Variants in FAM210A observed in about 807,000 individuals in gnomAD.
FAM210A encodes the protein mitochondrial inner membrane scaffold 1.
FAM210A carries 13 observed loss-of-function variants against 25.3 expected under a neutral mutation model. The observed-to-expected ratio is 0.51, with a 90% CI of 0.33 to 0.82. FAM210A has a LOEUF of 0.82. FAM210A is among the 40% of genes least tolerant of loss of function. FAM210A has a pLI of 0.02. For missense variants in FAM210A, 319 were observed against 323.2 expected, an observed-to-expected ratio of 0.99 and a Z score of 0.10; for synonymous variants, 125 against 118.7, an observed-to-expected ratio of 1.05 and a Z score of -0.35.
rs1402091417 is a variant in FAM210A, at chr18:13,666,225, G to A, written c.*255C>T. ...TCTGAAGACCTTGAAAAAGAAGTCTGACTTCTAAGACATTAACCACTGCTT... is the reference window on the plus strand; with the variant it reads ...TCTGAAGACCTTGAAAAAGAAGTCTAACTTCTAAGACATTAACCACTGCTT... On this transcript the variant is annotated 3_prime_UTR_variant, in exon 4 of 4. Transcript: ENST00000651643. 2.5e-6 allele frequency: 1 copy of A among 400,070 alleles called. No individual in the cohort carries two copies. Among genetic ancestry groups the A allele is most frequent in the Non-Finnish European group, 4.5e-6 (1 of 221,226 alleles). 24.8% of individuals were successfully genotyped at this position (400,070 alleles called of 1,614,324 possible).
chr18:13,677,327 G>A (rs1465648517), intron 2 of FAM210A, among the ~76,000 whole-genome samples: 1 of 152,140 alleles, frequency 6.6e-6, no homozygotes, highest in African/African-American at 2.4e-5. Context: ...GCCCACCTCG[G>A]CCTCCCAAAG....
intron 1 of FAM210A, among the ~76,000 whole-genome samples, chr18:13,692,169 G>A (rs1278231586): frequency 6.6e-6 from 1 of 151,630 alleles, no homozygotes; most frequent in Non-Finnish European, 1.5e-5. Context: ...TTACATAATG[G>A]TAAAGGGATC....
Position 13,663,866 on chromosome 18 carries a change from C to T in FAM210A, c.*2614G>A, listed in dbSNP as rs2043379573. On this transcript the variant is annotated 3_prime_UTR_variant, in exon 4 of 4. Transcript: ENST00000651643. ...AAATGTAGACATGTAAGACACAGGGCTGCTTCTGCCGAGCACTCGCAGTTC... is the reference window on the plus strand; with the variant it reads ...AAATGTAGACATGTAAGACACAGGGTTGCTTCTGCCGAGCACTCGCAGTTC... 6.6e-6 allele frequency: 1 copy of T among 152,122 alleles called. No individual in the cohort carries two copies. The highest frequency in any genetic ancestry group is 2.1e-4 in the South Asian group (1 of 4,822). The allele number at this position is 152,122 out of a possible 1,614,324, so 9.4% of individuals were successfully genotyped here.
At chr18:13,672,855 A>G (rs532113589) in intron 2 of FAM210A, among the ~76,000 whole-genome samples, 1 of 152,384 alleles carries the variant, frequency 6.6e-6, no homozygotes, top group South Asian at 2.1e-4. Context: ...CTATTCTATT[A>G]AAAGACTTAA....
intron 2 of FAM210A, among the ~76,000 whole-genome samples, chr18:13,676,633 A>G (rs1186963829): frequency 6.6e-6 from 1 of 152,248 alleles, no homozygotes; most frequent in African/African-American, 2.4e-5. Flanking sequence ...ACAATAGTCT[A>G]CAGTTAATAT....
intron 1 of FAM210A, among the ~76,000 whole-genome samples, chr18:13,709,450 T>C (rs1360795262): frequency 6.6e-6 from 1 of 152,214 alleles, no homozygotes; most frequent in African/African-American, 2.4e-5. Flanking sequence ...GATACCTACA[T>C]GGCCAACTGC....
Position 13,666,297 on chromosome 18 carries a change from C to G in FAM210A, c.*183G>C. On this transcript the variant is annotated 3_prime_UTR_variant, in exon 4 of 4. Transcript: ENST00000651643. The stretch of plus-strand genomic sequence containing the variant: ...TTCTTAAACTGGGTTCATTTCTTCC[C>G]TTGTAATAACACTGATTTTTCTAGT... 1.7e-6 allele frequency: 1 copy of G among 587,600 alleles called. No homozygotes were observed. The highest frequency in any genetic ancestry group is 3.0e-6 in the Non-Finnish European group (1 of 333,600). The allele number at this position is 587,600 out of a possible 1,614,324, so 36.4% of individuals were successfully genotyped here. A position where few individuals can be genotyped will look rare whatever the true frequency, so the allele number is the denominator to read the frequency against.
chr18:13,705,291 A>G (rs527683646), intron 1 of FAM210A, among the ~76,000 whole-genome samples: 161 of 152,340 alleles, frequency 1.1e-3, no homozygotes, highest in African/African-American at 3.8e-3. Context: ...CTGGCATTCA[A>G]GAGGACATAA....
rs1018684015 is a variant in FAM210A, at chr18:13,694,875, A to G, written c.-28-12770T>C. 2.6e-4 allele frequency among the ~76,000 whole-genome samples: 39 copies of G among 152,250 alleles called. 2 individuals are homozygous for G. Among genetic ancestry groups the G allele is most frequent in the Non-Finnish European group, 7.3e-5 (5 of 68,044 alleles). On this transcript the variant is annotated intron_variant, in intron 1 of 3. Transcript: ENST00000651643. ...AGCCAAAATTGATAAATGGGATCTA[A>G]TTAAACTAAAGAGCTTCTGCACAGC... is the stretch of plus-strand genomic sequence containing the variant.
intron 1 of FAM210A, among the ~76,000 whole-genome samples, chr18:13,720,426 C>G (rs907630861): frequency 6.6e-6 from 1 of 152,176 alleles, no homozygotes; most frequent in Non-Finnish European, 1.5e-5. Flanking sequence ...AGGAATTTGT[C>G]ATCTCCAAAA....
chr18:13,708,524 T>C (rs1284207), intron 1 of FAM210A, among the ~76,000 whole-genome samples: 135,628 of 152,246 alleles, frequency 0.89, 60,513 homozygotes, highest in East Asian at 0.95. Context: ...TAAGTTAGCT[T>C]ATTAGCATAA....
At chr18:13,704,675 T>C (rs1194226684) in intron 1 of FAM210A, among the ~76,000 whole-genome samples, 8 of 152,206 alleles carry the variant, frequency 5.3e-5, no homozygotes, top group African/African-American at 1.7e-4. Flanking sequence ...TTAAGTTACA[T>C]GTGAAGAATT....
chr18:13,712,819 C>T (rs750142603), intron 1 of FAM210A, among the ~76,000 whole-genome samples: 1 of 152,212 alleles, frequency 6.6e-6, no homozygotes, highest in Non-Finnish European at 1.5e-5. Context: ...CATATCCTTC[C>T]TGAGAAATTC....
chr18:13,694,294 T>A (rs1207653199), intron 1 of FAM210A, among the ~76,000 whole-genome samples: 1 of 152,220 alleles, frequency 6.6e-6, no homozygotes, highest in East Asian at 1.9e-4. Context: ...ATGGCCATAC[T>A]GCCCAAGGTA....
chr18:13,708,197 G>T (rs1406850680), intron 1 of FAM210A, among the ~76,000 whole-genome samples: 1 of 152,200 alleles, frequency 6.6e-6, no homozygotes, highest in Non-Finnish European at 1.5e-5. Context: ...AATTTGCTAA[G>T]AAGGATTTAC....
At chr18:13,669,127 G>A (rs1386309628) in intron 3 of FAM210A, among the ~76,000 whole-genome samples, 4 of 152,140 alleles carry the variant, frequency 2.6e-5, no homozygotes, top group African/African-American at 4.8e-5. Context: ...AAAACGTATC[G>A]AGAATCCAAC....
At chr18:13,692,156 G>A (rs4270241) in intron 1 of FAM210A, among the ~76,000 whole-genome samples, 83,146 of 150,584 alleles carry the variant, frequency 0.55, 23,394 homozygotes, top group East Asian at 0.86. Context: ...ACAAAGAAGG[G>A]CATTACATAA....
intron 1 of FAM210A, among the ~76,000 whole-genome samples, chr18:13,695,864 T>C (rs188080421): frequency 8.7e-4 from 133 of 152,114 alleles, no homozygotes; most frequent in Non-Finnish European, 1.6e-3. Context: ...AGTATATATA[T>C]ATAAAAAGAC....
At chr18:13,708,438 G>A (rs933697059) in intron 1 of FAM210A, among the ~76,000 whole-genome samples, 2 of 152,160 alleles carry the variant, frequency 1.3e-5, no homozygotes, top group Admixed American at 6.5e-5. Context: ...GGTGGGGTGA[G>A]TCTCAAAGTT....
Sources: allele counts gnomAD v4.1 joint callset (sites outside exome capture counted in the v4.1 genomes callset), GRCh38; gene constraint gnomAD v4.1.1; transcripts MANE v1.5; gene names NCBI Gene and HGNC (gene_info 2026-07-23, HGNC 2026-07-21).